Variants in ZNF44 observed in about 807,000 individuals in gnomAD.
ZNF44 encodes zinc finger protein 44.
In ZNF44, 9 loss-of-function variants were observed where a neutral mutation model predicts 11.7. That is an observed-to-expected ratio of 0.77 (90% confidence interval 0.46 to 1.35). The LOEUF (loss-of-function observed/expected upper bound fraction) is 1.35. Ranked by LOEUF, ZNF44 falls within the 40% of genes most tolerant of loss-of-function variation. The pLI is 0.00. For synonymous variants in ZNF44, 224 were observed against 242.7 expected (o/e 0.92, Z 0.72); for missense variants, 696 against 743.1 (o/e 0.94, Z 0.74).
At chr19:12,292,312 A>G (rs1415232489) in intron 1 of ZNF44, among the ~76,000 whole-genome samples, 11 of 151,120 alleles carry the variant, frequency 7.3e-5, no homozygotes. Context: ...CCTGTCTTAT[A>G]AAAAATAAAA....
Position 12,272,431 on chromosome 19 carries a change from C to A in ZNF44, c.1824G>T (p.Arg608Ser). Reference protein sequence around the residue: ...SSLSSFNRHKRTHWKDIL With the variant: ...SSLSSFNRHKSTHWKDIL ...CTTATAGAATATCCTTCCAGTGTGT[C>A]CTTTTATGTCTATTAAAGGAACTGA... Residue 608 changes from arginine to serine, a missense_variant, in exon 4 of 4, where the codon AGG becomes AGT. Coordinates refer to ENST00000355684, the MANE Select transcript of ZNF44 (RefSeq NM_016264.4). The A allele has an allele frequency of 6.4e-7, 1 of 1,562,900 alleles. No individual in the cohort carries two copies. Among genetic ancestry groups the A allele is most frequent in the Non-Finnish European group, 8.6e-7 (1 of 1,159,406 alleles).
intron 5 of ZNF44, among the ~76,000 whole-genome samples, chr19:12,265,545 T>C (rs117395686): frequency 2.0e-4 from 30 of 152,282 alleles, no homozygotes; most frequent in Non-Finnish European, 3.5e-4. Flanking sequence ...AGTCGACGTT[T>C]TCAAGGTGAT....
intron 5 of ZNF44, among the ~76,000 whole-genome samples, chr19:12,256,037 CAAAAAAAAA>C (rs74180061): frequency 1.3e-3 from 52 of 39,672 alleles, no homozygotes; most frequent in African/African-American, 2.7e-3. Context: ...AACTCTGTCT[CAAAAAAAAA>C]AAAAAAAAAA....
chr19:12,252,030 A>G (rs1330397825), intron 5 of ZNF44, among the ~76,000 whole-genome samples: 1 of 151,626 alleles, frequency 6.6e-6, no homozygotes, highest in Non-Finnish European at 1.5e-5. Context: ...CAGCCTGGGC[A>G]ATAAGAGTGA....
chr19:12,291,047 T>C, intron 1 of ZNF44: 1 of 257,858 alleles, frequency 3.9e-6, no homozygotes, highest in South Asian at 3.8e-5. Flanking sequence ...ACTTCTATTT[T>C]ATAGCTCAAC....
downstream of ZNF44, among the ~76,000 whole-genome samples, chr19:12,246,105 C>A (rs1916761813): frequency 6.6e-6 from 1 of 152,214 alleles, no homozygotes; most frequent in South Asian, 2.1e-4. Flanking sequence ...TGACTAATGC[C>A]TTCTTCAGTT....
At chr19:12,248,671 T>C (rs928449819) in exon 8 of ZNF44, 22 of 1,271,008 alleles carry the variant, frequency 1.7e-5, no homozygotes, top group Non-Finnish European at 2.1e-5. Flanking sequence ...CTCTCTACCA[T>C]ATGATTTCTG....
chr19:12,273,940 G>C lies in ZNF44; in HGVS notation c.315C>G (p.Ser105Arg). 6.2e-7 allele frequency: 1 copy of C among 1,614,104 alleles called. No homozygotes were observed. Residue 105 changes from serine to arginine, a missense_variant, in exon 4 of 4, where the codon AGC becomes AGG. Physicochemically the swap from Ser to Arg is moderately radical, Grantham distance 110. Transcript: ENST00000355684. Reference protein sequence around the residue: ...NTPARVDACGSSVNGEVIMGH... With the variant: ...NTPARVDACGRSVNGEVIMGH... Reference sequence around the variant, plus strand: ...CCATTATGACTTCTCCATTCACACTGCTTCCACATGCATCTACTCTGGCGG... The same window carrying C: ...CCATTATGACTTCTCCATTCACACTCCTTCCACATGCATCTACTCTGGCGG...
At chr19:12,260,924 G>C (rs1917482154) in intron 5 of ZNF44, among the ~76,000 whole-genome samples, 2 of 152,166 alleles carry the variant, frequency 1.3e-5, no homozygotes, top group South Asian at 4.1e-4. Context: ...TCAATATCTA[G>C]ACATCTTGTT....
intron 1 of ZNF44, chr19:12,293,114 C>A (rs762654427): frequency 3.2e-6 from 4 of 1,265,684 alleles, no homozygotes; most frequent in Non-Finnish European, 3.2e-6. Flanking sequence ...AGGTGATCCG[C>A]CCGCCTCGGC....
intron 5 of ZNF44, chr19:12,266,451 G>C (rs550107091): frequency 1.9e-6 from 1 of 522,190 alleles, no homozygotes; most frequent in Admixed American, 6.3e-5. Context: ...GCTTTAGCGC[G>C]TCGCCCCGCC....
chr19:12,284,626 T>C, intron 1 of ZNF44: 1 of 747,342 alleles, frequency 1.3e-6, no homozygotes, highest in African/African-American at 1.7e-5. Context: ...GACGAGGTTT[T>C]GATTACACCA....
downstream of ZNF44, among the ~76,000 whole-genome samples, chr19:12,270,561 C>T (rs1440573581): frequency 6.6e-6 from 1 of 151,938 alleles, no homozygotes; most frequent in Non-Finnish European, 1.5e-5. Flanking sequence ...AAGTGATTCT[C>T]CTGCCTCAGC....
upstream of ZNF44, among the ~76,000 whole-genome samples, chr19:12,239,394 G>T (rs1249013257): frequency 7.4e-5 from 11 of 149,566 alleles, no homozygotes; most frequent in East Asian, 2.2e-3. Flanking sequence ...GATTACGGGA[G>T]TGAGCGACTG....
chr19:12,282,448 GTCTTGCT>G (rs1967513893), intron 1 of ZNF44, among the ~76,000 whole-genome samples: 1 of 135,400 alleles, frequency 7.4e-6, no homozygotes, highest in African/African-American at 3.0e-5. Flanking sequence ...TTGAGACGGA[GTCTTGCT>G]CTGTCACCCA....
At chr19:12,274,165 G>C in intron 3 of ZNF44, 102 bp from the exon 4 acceptor site, 1 of 1,027,158 alleles carries the variant, frequency 9.7e-7, no homozygotes, top group East Asian at 2.5e-5. Flanking sequence ...CAAGCTATAA[G>C]CTTCATGTCC....
downstream of ZNF44, among the ~76,000 whole-genome samples, chr19:12,271,561 C>T (rs1179540647): frequency 6.6e-6 from 1 of 152,160 alleles, no homozygotes; most frequent in African/African-American, 2.4e-5. Context: ...AGGCACCATA[C>T]AGCAATCATC....
chr19:12,279,765 A>C (rs1967386243), intron 1 of ZNF44, among the ~76,000 whole-genome samples: 1 of 151,920 alleles, frequency 6.6e-6, no homozygotes, highest in African/African-American at 2.4e-5. Context: ...ACAACAACTT[A>C]AATGAAAACA....
At chr19:12,269,023 C>T (rs1443012653), downstream of ZNF44, among the ~76,000 whole-genome samples, 1 of 151,716 alleles carries the variant, frequency 6.6e-6, no homozygotes, top group Non-Finnish European at 1.5e-5. Flanking sequence ...GGATTACAGG[C>T]TTGAGCCACC....
Sources: allele counts gnomAD v4.1 joint callset (sites outside exome capture counted in the v4.1 genomes callset), GRCh38; gene constraint gnomAD v4.1.1; transcripts MANE v1.5; gene names NCBI Gene and HGNC (gene_info 2026-07-23, HGNC 2026-07-21).